TTC28: variants seen among roughly 807,000 people sequenced by gnomAD.
The protein encoded by TTC28 is tetratricopeptide repeat domain 28.
TTC28 carries 61 observed loss-of-function variants against 198.0 expected under a neutral mutation model. The observed-to-expected ratio is 0.31, with a 90% confidence interval of 0.25 to 0.38. The LOEUF (loss-of-function observed/expected upper bound fraction) is 0.38. Among genes scored for constraint, TTC28 ranks in the 10% least tolerant of loss-of-function variants. The pLI is 1.00. For missense variants in TTC28, 2,678 were observed against 3,164.0 expected (o/e 0.85, Z 3.69); for synonymous variants, 1,171 against 1,297.8 (o/e 0.90, Z 2.10).
At chr22:28,630,735 A>G (rs954027354) in intron 1 of TTC28, among the ~76,000 whole-genome samples, 2 of 152,140 alleles carry the variant, frequency 1.3e-5, no homozygotes, top group Non-Finnish European at 2.9e-5. Context: ...GAAGACAATA[A>G]TCTTCTCTCA....
chr22:28,440,384 T>A (rs1230962076), intron 2 of TTC28, among the ~76,000 whole-genome samples: 3 of 152,176 alleles, frequency 2.0e-5, no homozygotes, highest in African/African-American at 7.2e-5. Flanking sequence ...AAGCTTGTTT[T>A]AGTATTTAGA....
chr22:28,609,247 A>C (rs1039724278), intron 2 of TTC28, among the ~76,000 whole-genome samples: 10 of 152,252 alleles, frequency 6.6e-5, no homozygotes, highest in Non-Finnish European at 4.4e-5. Context: ...AAATAATTCC[A>C]GAATTAAAAA....
intron 2 of TTC28, among the ~76,000 whole-genome samples, chr22:28,434,408 C>A (rs542848849): frequency 5.9e-5 from 9 of 152,030 alleles, no homozygotes; most frequent in Non-Finnish European, 1.3e-4. Flanking sequence ...AGGTATGGGG[C>A]AGTGGTAGCT....
chr22:28,229,463 T>C (rs1601506944), intron 5 of TTC28, among the ~76,000 whole-genome samples: 1 of 152,346 alleles, frequency 6.6e-6, no homozygotes, highest in Non-Finnish European at 1.5e-5. Flanking sequence ...TTCAACCTTA[T>C]AGACCTATTC....
chr22:28,677,862 C>T (rs1302186448), intron 1 of TTC28, among the ~76,000 whole-genome samples: 3 of 149,434 alleles, frequency 2.0e-5, no homozygotes, highest in South Asian at 4.3e-4. Flanking sequence ...CGCTTGAATT[C>T]GGGAGGTGGA....
chr22:28,128,357 A>C (rs1942970578), intron 6 of TTC28, among the ~76,000 whole-genome samples: 1 of 152,108 alleles, frequency 6.6e-6, no homozygotes, highest in Non-Finnish European at 1.5e-5. Context: ...AGAAAAGAAC[A>C]TGGGCTATTT....
intron 1 of TTC28, among the ~76,000 whole-genome samples, chr22:28,640,336 ATAAGAGACC>A (rs2051344673): frequency 6.6e-6 from 1 of 151,404 alleles, no homozygotes; most frequent in African/African-American, 2.4e-5. Context: ...AAGATGAGCA[ATAAGAGACC>A]TAAGTAATAT....
intron 5 of TTC28, among the ~76,000 whole-genome samples, chr22:28,276,669 C>CT (rs2044479300): frequency 6.6e-6 from 1 of 152,114 alleles, no homozygotes; most frequent in Admixed American, 6.6e-5. Context: ...GTGCTAAATA[C>CT]TTTATCACAG....
intron 5 of TTC28, among the ~76,000 whole-genome samples, chr22:28,175,183 G>T (rs1456600029): frequency 6.6e-6 from 1 of 152,098 alleles, no homozygotes; most frequent in Non-Finnish European, 1.5e-5. Flanking sequence ...CACTGAAAAA[G>T]CTTCATGATA....
chr22:28,675,609 G>A (rs572542751), intron 1 of TTC28, among the ~76,000 whole-genome samples: 89 of 151,564 alleles, frequency 5.9e-4, no homozygotes, highest in Non-Finnish European at 1.1e-3. Context: ...AAAATTAACC[G>A]TGCCTGTAGT....
At chr22:28,323,300 C>G (rs564475321) in intron 2 of TTC28, among the ~76,000 whole-genome samples, 1 of 152,272 alleles carries the variant, frequency 6.6e-6, no homozygotes, top group South Asian at 2.1e-4. Context: ...CCTGGAGAGA[C>G]AGGGATATGT....
In TTC28 at chr22:28,107,361, C is replaced by T; in HGVS notation, c.2484G>A (p.Lys828=). ...EEQLDLGQKL[K]DPSLEAQVYG... ...AGACCTGGGCTTCCAGACTCGGATC[C>T]TTCAGCTTTTGCCCTAGATCCAGTT... The change falls in exon 7 of 23, where the codon AAG becomes AAA. Residue 828 remains lysine, a synonymous_variant. Transcript: ENST00000397906. The T allele has an allele frequency of 1.3e-6, 2 of 1,551,942 alleles. No individual in the cohort carries two copies. The highest frequency in any genetic ancestry group is 1.7e-6 in the Non-Finnish European group (2 of 1,147,042).
At chr22:28,600,048 G>A (rs1040742475) in intron 2 of TTC28, among the ~76,000 whole-genome samples, 1 of 152,146 alleles carries the variant, frequency 6.6e-6, no homozygotes, top group Non-Finnish European at 1.5e-5. Context: ...AACTGCCATA[G>A]AACCTTCAAA....
At position 28,679,254 on chromosome 22, in the gene TTC28, G is replaced by A. The variant is rs181746300; in HGVS notation, c.102+368C>T. Among the ~76,000 whole-genome samples the A allele has an allele frequency of 1.7e-3, 263 of 152,332 alleles. 2 individuals are homozygous for A. The highest frequency in any genetic ancestry group is 6.2e-3 in the African/African-American group (256 of 41,584). Reference sequence around the variant, plus strand: ...CTGCGCCGACACCTGTCTCACCGCGGGTGCCGCTTACCGCTCCGGTGGACT... The same window carrying A: ...CTGCGCCGACACCTGTCTCACCGCGAGTGCCGCTTACCGCTCCGGTGGACT... On this transcript the variant is annotated intron_variant, in intron 1 of 22. Coordinates refer to ENST00000397906, the MANE Select transcript of TTC28 (RefSeq NM_001145418.2).
Position 27,990,829 on chromosome 22 carries a change from A to G in TTC28, c.5554-17T>C. On this transcript the variant is annotated splice_polypyrimidine_tract_variant and intron_variant, in intron 19 of 22. Coordinates refer to ENST00000397906, the MANE Select transcript of TTC28 (RefSeq NM_001145418.2). The stretch of plus-strand genomic sequence containing the variant: ...TTTAACAGCCTTCGGCCAGCAGATT[A>G]TAAGAAAAAGAAAGAAAGAGAGAAA... 6.5e-7 allele frequency: 1 copy of G among 1,547,984 alleles called. No homozygotes were observed. The highest frequency in any genetic ancestry group is 8.7e-7 in the Non-Finnish European group (1 of 1,146,610).
chr22:28,674,051 A>G (rs1351965946), intron 1 of TTC28, among the ~76,000 whole-genome samples: 2 of 152,142 alleles, frequency 1.3e-5, no homozygotes, highest in Non-Finnish European at 2.9e-5. Context: ...AGAGCTTTCA[A>G]TTATACTTTT....
At chr22:28,123,667 C>T (rs1459989301) in intron 6 of TTC28, among the ~76,000 whole-genome samples, 2 of 152,132 alleles carry the variant, frequency 1.3e-5, no homozygotes, top group African/African-American at 2.4e-5. Context: ...CCCTTTCTCC[C>T]GTATCAACCT....
chr22:28,408,672 A>C (rs1569309867), intron 2 of TTC28, among the ~76,000 whole-genome samples: 1 of 152,256 alleles, frequency 6.6e-6, no homozygotes, highest in South Asian at 2.1e-4. Context: ...TACAGGCGTA[A>C]GCCACTGCAT....
chr22:28,410,965 A>C (rs2047071640), intron 2 of TTC28, among the ~76,000 whole-genome samples: 1 of 152,148 alleles, frequency 6.6e-6, no homozygotes, highest in African/African-American at 2.4e-5. Context: ...AAAACAAAAC[A>C]AAACACAAAG....
Sources: allele counts gnomAD v4.1 joint callset (sites outside exome capture counted in the v4.1 genomes callset), GRCh38; gene constraint gnomAD v4.1.1; transcripts MANE v1.5; gene names NCBI Gene and HGNC (gene_info 2026-07-23, HGNC 2026-07-21).